Variants in SLC9C2 observed in about 807,000 individuals in gnomAD.
SLC9C2 encodes the protein sodium/hydrogen exchanger 11.
In SLC9C2, 75 loss-of-function variants were observed where a neutral mutation model predicts 140.2. The observed-to-expected ratio is 0.53, with a 90% CI of 0.44 to 0.65. SLC9C2 has a LOEUF of 0.65. Ranked by LOEUF, SLC9C2 falls within the 30% of genes least tolerant of loss-of-function variation. The pLI, the probability that SLC9C2 is intolerant of heterozygous loss-of-function variation, is 0.00. For missense variants in SLC9C2, 1,074 were observed against 1,331.8 expected (o/e 0.81, Z 3.01); for synonymous variants, 375 against 420.9 (o/e 0.89, Z 1.34).
chr1:173,502,654 A>C (rs985832274), intron 27 of SLC9C2, among the ~76,000 whole-genome samples: 2 of 152,230 alleles, frequency 1.3e-5, no homozygotes, highest in African/African-American at 2.4e-5. Context: ...AAGAAGGAAA[A>C]GATGTAGGGG....
chr1:173,551,460 T>G (rs560333351), intron 11 of SLC9C2, among the ~76,000 whole-genome samples: 1 of 152,338 alleles, frequency 6.6e-6, no homozygotes, highest in East Asian at 1.9e-4. Context: ...TCTTACAAAT[T>G]GAAGGTCTGC....
intron 11 of SLC9C2, among the ~76,000 whole-genome samples, chr1:173,551,813 G>A (rs1663333206): frequency 6.6e-6 from 1 of 151,988 alleles, no homozygotes; most frequent in South Asian, 2.1e-4. Context: ...ACCCTACAAT[G>A]GCTTCTAAGT....
At position 173,601,798 on chromosome 1, in the gene SLC9C2, G is replaced by T; in HGVS notation, c.-22C>A. 1.2e-6 allele frequency: 2 copies of T among 1,613,028 alleles called. No homozygotes were observed. The highest frequency in any genetic ancestry group is 2.2e-5 in the South Asian group (2 of 90,870). On this transcript the variant is annotated 5_prime_UTR_variant, in exon 2 of 28. It adds an upstream start codon to the 5' untranslated region. Transcript: ENST00000367714. Reference sequence around the variant, plus strand: ...TCATTTTTGCTGCTGCTTTTCCCCAGACCTAACTTGATGGAGTGGTTTGGT... The same window carrying T: ...TCATTTTTGCTGCTGCTTTTCCCCATACCTAACTTGATGGAGTGGTTTGGT...
chr1:173,554,936 T>G, intron 10 of SLC9C2, 122 bp from the exon 11 acceptor site: 1 of 690,916 alleles, frequency 1.4e-6, no homozygotes, highest in African/African-American at 1.8e-5. Context: ...TTTAAAATCC[T>G]GTTTCTGATA....
At chr1:173,563,363 C>A (rs1247660439) in intron 9 of SLC9C2, among the ~76,000 whole-genome samples, 2 of 151,950 alleles carry the variant, frequency 1.3e-5, no homozygotes, top group African/African-American at 4.8e-5. Context: ...GTTTTAGCCA[C>A]TCATATTTCT....
intron 13 of SLC9C2, among the ~76,000 whole-genome samples, chr1:173,545,791 G>A (rs1558052059): frequency 6.6e-6 from 1 of 152,178 alleles, no homozygotes; most frequent in Non-Finnish European, 1.5e-5. Flanking sequence ...CAAATTCTGT[G>A]CATGTCTTAC....
At chr1:173,542,143 G>T (rs1032666126) in intron 13 of SLC9C2, among the ~76,000 whole-genome samples, 9 of 148,744 alleles carry the variant, frequency 6.1e-5, no homozygotes, top group Non-Finnish European at 1.0e-4. Context: ...GAGAGAAGAA[G>T]CACATAGATG....
chr1:173,522,705 C>G (rs1300681514), intron 21 of SLC9C2, among the ~76,000 whole-genome samples: 2 of 152,192 alleles, frequency 1.3e-5, no homozygotes, highest in East Asian at 3.9e-4. Flanking sequence ...CCCAGGGCAC[C>G]TGAGAGTCAT....
At chr1:173,507,343 CTT>C (rs3052160) in intron 24 of SLC9C2, among the ~76,000 whole-genome samples, 19,165 of 152,094 alleles carry the variant, frequency 0.13, 4,031 homozygotes, top group African/African-American at 0.44. Context: ...GACTCAGAGT[CTT>C]AAAAGATTCA....
intron 4 of SLC9C2, among the ~76,000 whole-genome samples, chr1:173,597,124 A>T (rs1431562439): frequency 2.0e-5 from 3 of 151,538 alleles, no homozygotes; most frequent in Non-Finnish European, 3.0e-5. Context: ...CACAACATTT[A>T]AAAAAAAACA....
At chr1:173,577,964 T>C (rs1402736276) in intron 7 of SLC9C2, among the ~76,000 whole-genome samples, 1 of 151,590 alleles carries the variant, frequency 6.6e-6, no homozygotes, top group Non-Finnish European at 1.5e-5. Context: ...GGAAACTATC[T>C]TTCAATTTCC....
intron 13 of SLC9C2, among the ~76,000 whole-genome samples, chr1:173,544,020 C>CT (rs1483868425): frequency 6.6e-5 from 10 of 152,264 alleles, no homozygotes; most frequent in African/African-American, 2.2e-4. Flanking sequence ...TCTAATTAAA[C>CT]TAAAGAGCTT....
Position 173,576,723 on chromosome 1 carries a change from G to A in SLC9C2, c.840C>T (p.Ala280=), listed in dbSNP as rs377567202. ...FLGMSGTLAL[A]AVGLNLDSLT... ...AAGAATCTAAATTCAGTCCTACAGC[G>A]GCTAAGGCAAGAGTGCCTGACATTC... The change falls in exon 8 of 28, where the codon GCC becomes GCT. Residue 280 remains alanine, a synonymous_variant. Coordinates refer to ENST00000367714, the MANE Select transcript of SLC9C2 (RefSeq NM_178527.4). 16 of 1,608,470 alleles carry A rather than the reference G, an allele frequency of 9.9e-6. No individual in the cohort carries two copies. The highest frequency in any genetic ancestry group is 6.7e-5 in the African/African-American group (5 of 74,564).
chr1:173,531,269 A>G (rs1661561943), intron 17 of SLC9C2, among the ~76,000 whole-genome samples: 1 of 152,204 alleles, frequency 6.6e-6, no homozygotes, highest in Admixed American at 6.5e-5. Flanking sequence ...AGAGCATGCT[A>G]GACAGAAGGG....
intron 2 of SLC9C2, among the ~76,000 whole-genome samples, chr1:173,600,891 T>C (rs1666737001): frequency 6.6e-6 from 1 of 152,236 alleles, no homozygotes; most frequent in African/African-American, 2.4e-5. Context: ...TTTATACATA[T>C]TTGCTTCTGT....
rs752536089 is a variant in SLC9C2, at chr1:173,517,604, A to G, written c.2840T>C (p.Ile947Thr). The change falls in exon 23 of 28, where the codon ATT becomes ACT. Residue 947 changes from isoleucine (I) to threonine (T), a missense_variant. Physicochemically the swap from Ile to Thr is moderately conservative, Grantham distance 89. Coordinates refer to ENST00000367714, the MANE Select transcript of SLC9C2 (RefSeq NM_178527.4). Reference sequence around the variant, plus strand: ...CTTAAGCAGACAGCTTAGCTCTCCAATTATGTCCCCAGTAGTACAGAACTC... The same window carrying G: ...CTTAAGCAGACAGCTTAGCTCTCCAGTTATGTCCCCAGTAGTACAGAACTC... Reference protein sequence around the residue: ...FTEFCTTGDIIGELSCLLKRE... With the variant: ...FTEFCTTGDITGELSCLLKRE... 8 of 1,613,874 alleles carry G rather than the reference A, an allele frequency of 5.0e-6. No individual in the cohort carries two copies. The highest frequency in any genetic ancestry group is 4.0e-5 in the African/African-American group (3 of 74,928).
At chr1:173,536,905 A>G (rs764767560) in intron 14 of SLC9C2, 37 bp downstream of exon 14, 5 of 1,417,336 alleles carry the variant, frequency 3.5e-6, no homozygotes, top group South Asian at 2.3e-5. Flanking sequence ...TAGTCATTCA[A>G]TTTTGGAAAT....
intron 1 of SLC9C2, 97 bp from the exon 2 acceptor site, chr1:173,601,952 C>CCTG: frequency 1.4e-6 from 1 of 734,608 alleles, no homozygotes; most frequent in Non-Finnish European, 2.2e-6. Context: ...CTGAACATGT[C>CCTG]TCTTCTTGTC....
intron 4 of SLC9C2, among the ~76,000 whole-genome samples, chr1:173,591,345 A>G (rs963455807): frequency 3.3e-5 from 5 of 152,106 alleles, no homozygotes; most frequent in African/African-American, 1.2e-4. Flanking sequence ...ATTCATGTGC[A>G]TGTATCTTCA....
Sources: allele counts gnomAD v4.1 joint callset (sites outside exome capture counted in the v4.1 genomes callset), GRCh38; gene constraint gnomAD v4.1.1; transcripts MANE v1.5; gene names NCBI Gene and HGNC (gene_info 2026-07-23, HGNC 2026-07-21).